Variants in SLC2A9 observed in about 807,000 individuals in gnomAD.
The protein encoded by SLC2A9 is solute carrier family 2, facilitated glucose transporter member 9.
SLC2A9 carries 39 observed loss-of-function variants against 50.6 expected under a neutral mutation model. That is an observed-to-expected ratio of 0.77 (90% confidence interval 0.60 to 1.01). The LOEUF (loss-of-function observed/expected upper bound fraction) is 1.01, where lower values mean the gene tolerates loss of function less well. Ranked by LOEUF, SLC2A9 falls within the 50% of genes least tolerant of loss-of-function variation. SLC2A9 has a pLI of 0.00. For missense variants in SLC2A9, 686 were observed against 677.6 expected, an observed-to-expected ratio of 1.01 and a Z score of -0.14; for synonymous variants, 324 against 276.9, an observed-to-expected ratio of 1.17 and a Z score of -1.69.
intron 10 of SLC2A9, among the ~76,000 whole-genome samples, chr4:9,878,351 C>T (rs1734626144): frequency 6.6e-6 from 1 of 152,010 alleles, no homozygotes; most frequent in Non-Finnish European, 1.5e-5. Flanking sequence ...GAACCTTCAG[C>T]TCCATCTTCC....
intron 6 of SLC2A9, among the ~76,000 whole-genome samples, chr4:9,939,317 G>T (rs1184397152): frequency 6.6e-6 from 1 of 152,140 alleles, no homozygotes; most frequent in South Asian, 2.1e-4. Context: ...TGACCTATAG[G>T]TTTGTGAACT....
intron 5 of SLC2A9, among the ~76,000 whole-genome samples, chr4:9,958,826 T>C (rs1409055752): frequency 6.6e-6 from 1 of 152,048 alleles, no homozygotes; most frequent in Non-Finnish European, 1.5e-5. Context: ...TGGTAGAACA[T>C]CTGTGATATA....
chr4:9,953,032 A>G (rs185299494), intron 5 of SLC2A9, among the ~76,000 whole-genome samples: 84 of 152,314 alleles, frequency 5.5e-4, no homozygotes, highest in African/African-American at 1.9e-3. Context: ...AAGTCCTAGA[A>G]TCATACACTT....
At chr4:9,898,623 C>A (rs191441298) in intron 8 of SLC2A9, among the ~76,000 whole-genome samples, 3 of 152,360 alleles carry the variant, frequency 2.0e-5, no homozygotes, top group African/African-American at 7.2e-5. Flanking sequence ...ATGCCCCATT[C>A]TCTGTGTCCA....
At chr4:9,970,891 G>T (rs1224160019) in intron 5 of SLC2A9, among the ~76,000 whole-genome samples, 1 of 152,152 alleles carries the variant, frequency 6.6e-6, no homozygotes, top group Non-Finnish European at 1.5e-5. Context: ...CCTAGCAACT[G>T]ATGTTATCTA....
intron 6 of SLC2A9, among the ~76,000 whole-genome samples, chr4:9,936,650 G>A (rs1285418835): frequency 6.6e-6 from 1 of 152,182 alleles, no homozygotes; most frequent in Non-Finnish European, 1.5e-5. Context: ...TCCAGCTACA[G>A]AAGGGGCGGG....
At chr4:9,958,894 T>A (rs1285337400) in intron 5 of SLC2A9, among the ~76,000 whole-genome samples, 1 of 151,656 alleles carries the variant, frequency 6.6e-6, no homozygotes, top group African/African-American at 2.4e-5. Context: ...TTGAAAAAAA[T>A]TAATTGTAGG....
At chr4:9,978,061 G>C (rs1755103521) in intron 5 of SLC2A9, among the ~76,000 whole-genome samples, 1 of 152,200 alleles carries the variant, frequency 6.6e-6, no homozygotes, top group Non-Finnish European at 1.5e-5. Context: ...AGGATATGCT[G>C]AACAGTCACT....
rs1739041203 is a variant in SLC2A9 at position 9,898,717 on chromosome 4, C to A, written c.1114-8006G>T. 3.9e-5 allele frequency among the ~76,000 whole-genome samples: 6 copies of A among 152,150 alleles called. No individual in the cohort carries two copies. The South Asian group carries it at 1.2e-3, about 32-fold the overall frequency. On this transcript the variant is annotated intron_variant, in intron 8 of 11. Transcript: ENST00000264784. ...GCTTGATGCTTCTGGGTCTGTGGGC[C>A]GTGTGGACTGATTGTGCGCAGGGGC... is the stretch of plus-strand genomic sequence containing the variant.
intron 2 of SLC2A9, among the ~76,000 whole-genome samples, chr4:10,006,932 T>C (rs1463538722): frequency 6.6e-6 from 1 of 151,984 alleles, no homozygotes; most frequent in African/African-American, 2.4e-5. Flanking sequence ...ATGAGTTTCC[T>C]TGTTAGACAA....
intron 3 of SLC2A9, among the ~76,000 whole-genome samples, chr4:9,788,721 T>A (rs754225069): frequency 6.6e-6 from 1 of 152,230 alleles, no homozygotes; most frequent in Non-Finnish European, 1.5e-5. Flanking sequence ...CTTATCATGA[T>A]ATTTAGGTTG....
intron 7 of SLC2A9, among the ~76,000 whole-genome samples, chr4:9,917,655 C>T (rs979814166): frequency 1.3e-5 from 2 of 152,140 alleles, no homozygotes; most frequent in African/African-American, 2.4e-5. Context: ...TTCTAAAGTA[C>T]GTGAAAAACA....
chr4:9,861,369 CA>C (rs1441755762), intron 10 of SLC2A9, among the ~76,000 whole-genome samples: 4 of 152,014 alleles, frequency 2.6e-5, no homozygotes, highest in South Asian at 2.1e-4. Flanking sequence ...AAGGACAGTA[CA>C]GGGGGGATGG....
At chr4:9,883,849 T>G (rs776986508) in intron 10 of SLC2A9, among the ~76,000 whole-genome samples, 2 of 152,230 alleles carry the variant, frequency 1.3e-5, no homozygotes, top group African/African-American at 4.8e-5. Flanking sequence ...CTGGGCACTT[T>G]AGGAGAGGCT....
At chr4:9,983,198 G>C (rs1197170140) in intron 4 of SLC2A9, among the ~76,000 whole-genome samples, 1 of 152,172 alleles carries the variant, frequency 6.6e-6, no homozygotes, top group Non-Finnish European at 1.5e-5. Flanking sequence ...CAACAAGGGA[G>C]GCCTTACTGC....
chr4:9,883,432 G>A (rs1735591818), intron 10 of SLC2A9, among the ~76,000 whole-genome samples: 1 of 152,214 alleles, frequency 6.6e-6, no homozygotes, highest in South Asian at 2.1e-4. Context: ...TTTCTTATCA[G>A]GGGAGCCCCT....
chr4:9,810,654 T>A (rs537492096), intron 3 of SLC2A9, among the ~76,000 whole-genome samples: 54 of 152,376 alleles, frequency 3.5e-4, no homozygotes, highest in African/African-American at 1.2e-3. Context: ...ACCAGTTTGC[T>A]GGAAGCCAAG....
chr4:9,777,961 C>A (rs557524008), downstream of SLC2A9, among the ~76,000 whole-genome samples: 1 of 152,226 alleles, frequency 6.6e-6, no homozygotes, highest in African/African-American at 2.4e-5. Flanking sequence ...GTTGCCCAGT[C>A]TCCAAGCAGT....
At chr4:9,953,548 C>A (rs1182465343) in intron 5 of SLC2A9, among the ~76,000 whole-genome samples, 1 of 152,214 alleles carries the variant, frequency 6.6e-6, no homozygotes, top group Non-Finnish European at 1.5e-5. Context: ...ATAAAACCTG[C>A]ATTACTGGTT....
Sources: gnomAD v4.1 joint callset for allele counts (sites outside exome capture counted in the v4.1 genomes callset) on GRCh38, gnomAD v4.1.1 for gene constraint, MANE v1.5 for transcripts, NCBI Gene and HGNC (gene_info 2026-07-23, HGNC 2026-07-21) for gene names.